Variants in LMNTD1 observed in about 807,000 individuals in gnomAD.
LMNTD1 encodes the protein lamin tail domain-containing protein 1.
LMNTD1 carries 35 observed loss-of-function variants against 50.9 expected under a neutral mutation model. The ratio of observed to expected loss-of-function variants is 0.69; its 90% CI spans 0.53 to 0.91. The LOEUF is 0.91. Among genes scored for constraint, LMNTD1 ranks in the 40% least tolerant of loss-of-function variants. The pLI, the probability that LMNTD1 is intolerant of heterozygous loss-of-function variation, is 0.00. For synonymous variants in LMNTD1, 153 were observed against 161.9 expected (o/e 0.94, Z 0.42); for missense variants, 470 against 475.5 (o/e 0.99, Z 0.11).
At chr12:25,558,592 A>T (rs1164206373) in intron 1 of LMNTD1, among the ~76,000 whole-genome samples, 1 of 152,234 alleles carries the variant, frequency 6.6e-6, no homozygotes, top group African/African-American at 2.4e-5. Context: ...CTGCTAACAA[A>T]GACATATCCG....
chr12:25,498,620 A>G (rs1264114735), intron 9 of LMNTD1, among the ~76,000 whole-genome samples: 1 of 152,228 alleles, frequency 6.6e-6, no homozygotes, highest in Non-Finnish European at 1.5e-5. Flanking sequence ...AGGGCACTTC[A>G]TGTGAACAAA....
chr12:25,627,570 A>G (rs1270380750), intron 1 of LMNTD1, among the ~76,000 whole-genome samples: 1 of 152,186 alleles, frequency 6.6e-6, no homozygotes, highest in Non-Finnish European at 1.5e-5. Flanking sequence ...ATATTTTGGG[A>G]GAGAGATCCT....
intron 9 of LMNTD1, among the ~76,000 whole-genome samples, chr12:25,502,142 G>A (rs1203828084): frequency 5.9e-5 from 9 of 152,068 alleles, no homozygotes; most frequent in Admixed American, 5.2e-4. Flanking sequence ...GAAGATCAAC[G>A]AAGGCTAAAA....
intron 1 of LMNTD1, among the ~76,000 whole-genome samples, chr12:25,599,156 A>G (rs970311656): frequency 1.3e-5 from 2 of 152,082 alleles, no homozygotes; most frequent in Admixed American, 6.6e-5. Context: ...AGGATGGTTC[A>G]ATATTTATAT....
At position 25,481,908 on chromosome 12, in the gene LMNTD1, T is replaced by C. The variant is rs188244547; in HGVS notation, c.*23-5448A>G. Among the ~76,000 whole-genome samples, 1,060 of 110,610 alleles carry C rather than the reference T, an allele frequency of 9.6e-3. 4 individuals carry two copies. Among genetic ancestry groups the C allele is most frequent in the East Asian group, 0.028 (115 of 4,056 alleles). 72.6% of individuals were successfully genotyped at this position (110,610 alleles called of 152,430 possible). A position where few individuals can be genotyped will look rare whatever the true frequency, so the allele number is the denominator to read the frequency against. On this transcript the variant is annotated intron_variant, in intron 9 of 9. Coordinates refer to ENST00000458174, the MANE Select transcript of LMNTD1 (RefSeq NM_001145728.2). ...ACACACACACACACACACACACACA[T>C]ATAGTGAAAGGTGGTTGAAAAATTT... is the stretch of plus-strand genomic sequence containing the variant.
intron 1 of LMNTD1, among the ~76,000 whole-genome samples, chr12:25,628,107 C>CAA (rs58780549): frequency 9.5e-5 from 5 of 52,462 alleles, no homozygotes; most frequent in African/African-American, 1.7e-4. Flanking sequence ...AACTCCGTCT[C>CAA]AAAAAAAAAA....
intron 1 of LMNTD1, among the ~76,000 whole-genome samples, chr12:25,563,282 A>G (rs1414618252): frequency 6.6e-6 from 1 of 152,132 alleles, no homozygotes; most frequent in Non-Finnish European, 1.5e-5. Flanking sequence ...GGTTTTATCT[A>G]CCGTTAGTCT....
chr12:25,529,552 C>T (rs574943619), intron 4 of LMNTD1, among the ~76,000 whole-genome samples: 6 of 152,306 alleles, frequency 3.9e-5, no homozygotes, highest in African/African-American at 7.2e-5. Context: ...ATTCCTTATT[C>T]GTGACCAGGT....
chr12:25,560,341 T>C (rs1944248541), intron 1 of LMNTD1, among the ~76,000 whole-genome samples: 1 of 152,214 alleles, frequency 6.6e-6, no homozygotes, highest in Non-Finnish European at 1.5e-5. Context: ...TTGTCAAAGA[T>C]CAGATAGTTG....
At chr12:25,490,299 G>A (rs1938841494) in intron 9 of LMNTD1, among the ~76,000 whole-genome samples, 1 of 149,712 alleles carries the variant, frequency 6.7e-6, no homozygotes, top group Non-Finnish European at 1.5e-5. Context: ...AGTTCAAAGA[G>A]GGTCTATTGA....
chr12:25,611,035 T>C (rs1467658810), intron 1 of LMNTD1, among the ~76,000 whole-genome samples: 3 of 151,408 alleles, frequency 2.0e-5, no homozygotes, highest in Non-Finnish European at 4.4e-5. Context: ...CACAGAGGAG[T>C]CAAAGAAGCA....
At position 25,510,097 on chromosome 12, in the gene LMNTD1, A is replaced by G. The variant is rs116605834; in HGVS notation, c.1190-6297T>C. ...AGACAACATCGGTATTATTTTGTGT[A>G]GTAAACATTTATGTTTGTTCATGTT... On this transcript the variant is annotated intron_variant, in intron 8 of 9. Coordinates refer to ENST00000458174, the MANE Select transcript of LMNTD1 (RefSeq NM_001145728.2). Among the ~76,000 whole-genome samples the G allele has an allele frequency of 2.6e-3, 398 of 152,336 alleles. 3 individuals are homozygous for G. Among genetic ancestry groups the G allele is most frequent in the African/African-American group, 9.2e-3 (384 of 41,582 alleles).
At position 25,621,697 on chromosome 12, in the gene LMNTD1, C is replaced by G. The variant is rs1478145740; in HGVS notation, c.58+26797G>C. ...ACCTTAAACAAATGTTGACTGAACC[C>G]CTAAAACATGGCCTTATTCTACACA... On this transcript the variant is annotated intron_variant, in intron 1 of 7. Coordinates refer to the LMNTD1 transcript ENST00000445693. Among the ~76,000 whole-genome samples the G allele has an allele frequency of 2.6e-5, 4 of 152,074 alleles. No homozygotes were observed. In the East Asian group the frequency reaches 5.8e-4, roughly 22 times the overall value.
intron 2 of LMNTD1, among the ~76,000 whole-genome samples, chr12:25,550,210 C>CT (rs5797139): frequency 0.78 from 118,490 of 152,040 alleles, 46,848 homozygotes; most frequent in East Asian, 0.9. Flanking sequence ...CAAAGATTTC[C>CT]TTTTTATATC....
chr12:25,572,997 T>A (rs746483395), intron 1 of LMNTD1, among the ~76,000 whole-genome samples: 4 of 152,108 alleles, frequency 2.6e-5, no homozygotes, highest in Non-Finnish European at 5.9e-5. Flanking sequence ...CTCAGTCTCC[T>A]TCTGCAGCAC....
At chr12:25,486,826 G>C (rs1243289424) in intron 9 of LMNTD1, among the ~76,000 whole-genome samples, 1 of 150,458 alleles carries the variant, frequency 6.6e-6, no homozygotes, top group East Asian at 2.0e-4. Flanking sequence ...TGCATATATT[G>C]AACCAGCCTT....
intron 9 of LMNTD1, among the ~76,000 whole-genome samples, chr12:25,478,189 T>C (rs1054352995): frequency 3.9e-5 from 6 of 152,148 alleles, no homozygotes; most frequent in African/African-American, 1.4e-4. Flanking sequence ...TCCAATCAAG[T>C]TGACACTCAG....
At chr12:25,620,349 A>G (rs1337681548) in intron 1 of LMNTD1, among the ~76,000 whole-genome samples, 1 of 152,132 alleles carries the variant, frequency 6.6e-6, no homozygotes, top group Non-Finnish European at 1.5e-5. Context: ...TTAGCAAAAC[A>G]AATTTTATAA....
chr12:25,554,633 G>A (rs376253424), upstream of LMNTD1, among the ~76,000 whole-genome samples: 9 of 152,176 alleles, frequency 5.9e-5, no homozygotes, highest in Non-Finnish European at 1.0e-4. Context: ...AAAGATTCGG[G>A]TCGGGTATTA....
Sources: gnomAD v4.1 joint callset for allele counts (sites outside exome capture counted in the v4.1 genomes callset) on GRCh38, gnomAD v4.1.1 for gene constraint, MANE v1.5 for transcripts, NCBI Gene and HGNC (gene_info 2026-07-23, HGNC 2026-07-21) for gene names.